MDGA2: variants seen among roughly 807,000 people sequenced by gnomAD.
MDGA2 encodes MAM domain-containing glycosylphosphatidylinositol anchor protein 2.
In MDGA2, 40 loss-of-function variants were observed where a neutral mutation model predicts 117.8. The observed-to-expected ratio is 0.34, with a 90% confidence interval of 0.26 to 0.44. The LOEUF is 0.44. Ranked by LOEUF, MDGA2 falls within the 20% of genes least tolerant of loss-of-function variation. The pLI is 1.00. For missense variants in MDGA2, 1,123 were observed against 1,250.6 expected (o/e 0.90, Z 1.54); for synonymous variants, 452 against 439.0 (o/e 1.03, Z -0.37).
intron 1 of MDGA2, among the ~76,000 whole-genome samples, chr14:47,493,647 T>C (rs2138659000): frequency 6.6e-6 from 1 of 152,250 alleles, no homozygotes; most frequent in Non-Finnish European, 1.5e-5. Context: ...TTTAAGTATC[T>C]GTTTGAATAA....
chr14:47,153,536 T>C lies in MDGA2; in HGVS notation c.596-9262A>G, dbSNP rs979153883. 4.1e-4 allele frequency among the ~76,000 whole-genome samples: 63 copies of C among 151,974 alleles called. 1 individual carries two copies. The highest frequency in any genetic ancestry group is 1.5e-3 in the African/African-American group (62 of 41,356). The stretch of plus-strand genomic sequence containing the variant: ...TGACGCAGCTCCTCCAGTTGCAATG[T>C]ACACGACCTAGAGCCAAAATAAGTC... On this transcript the variant is annotated intron_variant, in intron 3 of 16. Transcript: ENST00000399232.
intron 16 of MDGA2, among the ~76,000 whole-genome samples, chr14:46,845,074 G>A (rs1880776372): frequency 6.6e-6 from 1 of 152,114 alleles, no homozygotes; most frequent in Admixed American, 6.6e-5. Context: ...AAATAGAGAC[G>A]GGGTTTCACC....
At chr14:47,224,941 CT>C (rs1213944981) in intron 2 of MDGA2, among the ~76,000 whole-genome samples, 1 of 152,160 alleles carries the variant, frequency 6.6e-6, no homozygotes, top group Non-Finnish European at 1.5e-5. Flanking sequence ...TGGCACAGAA[CT>C]CTAGAGCATA....
At chr14:47,379,942 C>G (rs535486156) in intron 1 of MDGA2, among the ~76,000 whole-genome samples, 13 of 152,172 alleles carry the variant, frequency 8.5e-5, no homozygotes, top group Non-Finnish European at 1.8e-4. Context: ...CCACGTCGCA[C>G]TTATATCAAA....
intron 9 of MDGA2, among the ~76,000 whole-genome samples, chr14:46,948,101 T>C (rs555736285): frequency 2.6e-5 from 4 of 152,068 alleles, no homozygotes; most frequent in Non-Finnish European, 5.9e-5. Flanking sequence ...ATACCCATTG[T>C]CATAAATTTC....
chr14:47,654,892 G>A (rs1049623643), intron 1 of MDGA2, among the ~76,000 whole-genome samples: 1 of 152,104 alleles, frequency 6.6e-6, no homozygotes, highest in Non-Finnish European at 1.5e-5. Flanking sequence ...GCTAGATTAA[G>A]ATGGGAAGGA....
At chr14:47,003,274 G>C (rs904150576) in intron 8 of MDGA2, among the ~76,000 whole-genome samples, 1 of 152,000 alleles carries the variant, frequency 6.6e-6, no homozygotes, top group African/African-American at 2.4e-5. Flanking sequence ...ACCTTTGTGT[G>C]TAAGTTGTTA....
intron 2 of MDGA2, among the ~76,000 whole-genome samples, chr14:47,241,028 G>T (rs1887021944): frequency 6.6e-6 from 1 of 151,852 alleles, no homozygotes; most frequent in Non-Finnish European, 1.5e-5. Context: ...CTCCAGATAT[G>T]TTTGTTGAAA....
At chr14:47,436,914 T>A (rs1425429962) in intron 1 of MDGA2, among the ~76,000 whole-genome samples, 1 of 152,102 alleles carries the variant, frequency 6.6e-6, no homozygotes, top group Admixed American at 6.6e-5. Context: ...TAGGCACCCT[T>A]GAGTTCTCCT....
chr14:47,152,764 T>C (rs1345637728), intron 3 of MDGA2, among the ~76,000 whole-genome samples: 1 of 152,016 alleles, frequency 6.6e-6, no homozygotes, highest in Admixed American at 6.5e-5. Flanking sequence ...TACAGACAAC[T>C]ATTTCTTTCT....
At chr14:47,091,066 G>GA (rs1322634888) in intron 6 of MDGA2, among the ~76,000 whole-genome samples, 2 of 152,128 alleles carry the variant, frequency 1.3e-5, no homozygotes, top group Non-Finnish European at 2.9e-5. Context: ...TGAATAATCA[G>GA]AACAATGTGA....
chr14:46,865,254 A>C (rs1881702585), intron 14 of MDGA2, among the ~76,000 whole-genome samples: 1 of 151,962 alleles, frequency 6.6e-6, no homozygotes, highest in Admixed American at 6.6e-5. Flanking sequence ...TCTGTTAGAA[A>C]GCATTAATCC....
At chr14:46,938,604 C>T (rs1321140928) in intron 9 of MDGA2, among the ~76,000 whole-genome samples, 2 of 142,816 alleles carry the variant, frequency 1.4e-5, no homozygotes, top group African/African-American at 5.1e-5. Context: ...TATGAAAAAG[C>T]CAAAATATGA....
intron 8 of MDGA2, among the ~76,000 whole-genome samples, chr14:46,972,191 C>G (rs968243762): frequency 3.3e-5 from 5 of 152,094 alleles, no homozygotes. Flanking sequence ...TATGCTAACT[C>G]AGGATATTTA....
chr14:47,603,393 G>A (rs960962915), intron 1 of MDGA2, among the ~76,000 whole-genome samples: 2 of 152,060 alleles, frequency 1.3e-5, no homozygotes, highest in Admixed American at 1.3e-4. Context: ...TCTTCAAATT[G>A]TATACCATAG....
At chr14:47,578,758 T>C (rs1896173232) in intron 1 of MDGA2, among the ~76,000 whole-genome samples, 1 of 152,200 alleles carries the variant, frequency 6.6e-6, no homozygotes, top group East Asian at 1.9e-4. Flanking sequence ...GAAGTGTTTT[T>C]CTAAGTTTGC....
At chr14:47,397,206 C>T (rs188177302) in intron 1 of MDGA2, among the ~76,000 whole-genome samples, 88 of 152,258 alleles carry the variant, frequency 5.8e-4, no homozygotes, top group Admixed American at 2.8e-3. Context: ...TGGAAACCAT[C>T]ATTCTGAGCA....
rs1003084393 is a variant in MDGA2, at chr14:47,624,031, C to A, written c.280+50486G>T. Among the ~76,000 whole-genome samples, 6 of 152,214 alleles carry A rather than the reference C, an allele frequency of 3.9e-5. No homozygotes were observed. In the East Asian group the frequency reaches 1.2e-3, roughly 29 times the overall value. ...TATTAATCTATGTTAGCCTTACCAT[C>A]CCCTTTTTTGAGGCACTGATTTTCC... On this transcript the variant is annotated intron_variant, in intron 1 of 16. Transcript: ENST00000399232.
intron 1 of MDGA2, among the ~76,000 whole-genome samples, chr14:47,608,339 T>A (rs1896778937): frequency 1.3e-5 from 2 of 152,068 alleles, no homozygotes; most frequent in Non-Finnish European, 2.9e-5. Flanking sequence ...CAGACAGACA[T>A]CAGTAAGGCA....
Sources: allele counts gnomAD v4.1 joint callset (sites outside exome capture counted in the v4.1 genomes callset), GRCh38; gene constraint gnomAD v4.1.1; transcripts MANE v1.5; gene names NCBI Gene and HGNC (gene_info 2026-07-23, HGNC 2026-07-21).